Variants in ARHGAP21 observed in about 807,000 individuals in gnomAD.
ARHGAP21 encodes the protein rho GTPase-activating protein 21.
A neutral mutation model predicts 164.6 loss-of-function variants in ARHGAP21; 38 were observed. The ratio of observed to expected loss-of-function variants is 0.23; its 90% CI spans 0.18 to 0.30. The LOEUF is 0.30. ARHGAP21 is among the 10% of genes least tolerant of loss of function. The pLI is 1.00. For missense variants in ARHGAP21, 1,822 were observed against 2,370.7 expected (o/e 0.77, Z 4.81); for synonymous variants, 766 against 857.9 (o/e 0.89, Z 1.87).
At position 24,665,781 on chromosome 10, in the gene ARHGAP21, G is replaced by T. The variant is rs937306898; in HGVS notation, c.268+1204C>A. 3.3e-5 allele frequency among the ~76,000 whole-genome samples: 5 copies of T among 152,068 alleles called. No homozygotes were observed. The East Asian group carries it at 7.7e-4, about 23-fold the overall frequency. ...CTAAACACGTATGACCTTGAACTAG[G>T]GAGAAAACATCAGATAAACTGAAAA... is the stretch of plus-strand genomic sequence containing the variant. On this transcript the variant is annotated intron_variant, in intron 4 of 25. Transcript: ENST00000396432.
At chr10:24,689,865 T>C (rs1399533698) in intron 2 of ARHGAP21, among the ~76,000 whole-genome samples, 1 of 148,438 alleles carries the variant, frequency 6.7e-6, no homozygotes, top group Admixed American at 6.8e-5. Context: ...TATATGTATG[T>C]GTATATATAC....
intron 9 of ARHGAP21, 127 bp from the exon 10 acceptor site, chr10:24,608,030 T>A: frequency 1.3e-6 from 1 of 759,890 alleles, no homozygotes; most frequent in African/African-American, 1.8e-5. Context: ...AGCACATCAC[T>A]AAATGACCTA....
chr10:24,585,553 T>C lies in ARHGAP21; in HGVS notation c.4736A>G (p.Asn1579Ser), dbSNP rs192553340. Residue 1579 changes from asparagine (N) to serine (S), a missense_variant, in exon 26 of 26, where the codon AAC becomes AGC. Asn to Ser is a conservative substitution (Grantham distance 46). Around this residue, in one of 5 missense-constraint regions of ARHGAP21, gnomAD observed 333 missense variants for 383.9 expected, o/e 0.87. Coordinates refer to ENST00000396432, the MANE Select transcript of ARHGAP21 (RefSeq NM_020824.4). The part of the protein sequence containing the change: ...PETKHSEFLA[N>S]VSTITSDYST... ...ATAATCTGAGGTGATGGTGCTGACGTTGGCCAAAAACTCGCTATGTTTCGT... is the reference window on the plus strand; with the variant it reads ...ATAATCTGAGGTGATGGTGCTGACGCTGGCCAAAAACTCGCTATGTTTCGT... 24 of 1,614,184 alleles carry C rather than the reference T, an allele frequency of 1.5e-5. No homozygotes were observed. Among genetic ancestry groups the C allele is most frequent in the Middle Eastern group, 1.6e-4 (1 of 6,062 alleles).
intron 2 of ARHGAP21, among the ~76,000 whole-genome samples, chr10:24,677,432 A>G (rs949723806): frequency 1.3e-5 from 2 of 152,230 alleles, no homozygotes; most frequent in African/African-American, 4.8e-5. Context: ...AAATAAGAAA[A>G]TAAGAAACTG....
rs1346794473 is a variant in ARHGAP21 at position 24,640,833 on chromosome 10, G to A, written c.269-5730C>T. Among the ~76,000 whole-genome samples, 4 of 152,158 alleles carry A rather than the reference G, an allele frequency of 2.6e-5. No individual in the cohort carries two copies. The South Asian group carries it at 6.2e-4, about 24-fold the overall frequency. On this transcript the variant is annotated intron_variant, in intron 4 of 25. Transcript: ENST00000396432. ...GAATTTATTGAGCAATAGGAATGTG[G>A]ATCTATTAAGGAAAAAAACAAAAAT...
intron 12 of ARHGAP21, among the ~76,000 whole-genome samples, 187 bp downstream of exon 12, chr10:24,604,125 G>A (rs561828252): frequency 2.0e-5 from 3 of 152,112 alleles, no homozygotes; most frequent in African/African-American, 7.2e-5. Flanking sequence ...AAAAAGGGCT[G>A]CTGGGCAGTT....
At chr10:24,614,176 G>A (rs551552691) in intron 9 of ARHGAP21, among the ~76,000 whole-genome samples, 10 of 152,264 alleles carry the variant, frequency 6.6e-5, no homozygotes, top group Admixed American at 2.6e-4. Flanking sequence ...TGACTGAGTA[G>A]GGAGGTCAAG....
At chr10:24,627,797 TACTC>T (rs1835291617) in intron 7 of ARHGAP21, among the ~76,000 whole-genome samples, 1 of 152,212 alleles carries the variant, frequency 6.6e-6, no homozygotes, top group Non-Finnish European at 1.5e-5. Flanking sequence ...ATTACAAAAT[TACTC>T]CTTCCATTAC....
chr10:24,692,250 G>A (rs1018716735), intron 2 of ARHGAP21, among the ~76,000 whole-genome samples: 4 of 152,116 alleles, frequency 2.6e-5, no homozygotes, highest in Non-Finnish European at 4.4e-5. Context: ...TTAAACAAAC[G>A]AATCTAAGCT....
Position 24,607,737 on chromosome 10 carries a change from A to T in ARHGAP21, c.2581+8T>A. 6.2e-7 allele frequency: 1 copy of T among 1,613,554 alleles called. No individual in the cohort carries two copies. The highest frequency in any genetic ancestry group is 8.5e-7 in the Non-Finnish European group (1 of 1,179,754). On this transcript the variant is annotated splice_region_variant and intron_variant, in intron 10 of 25. Coordinates refer to ENST00000396432, the MANE Select transcript of ARHGAP21 (RefSeq NM_020824.4). ...GATACGGTTTACAAAACCACCCTTT[A>T]GACGTACCGTGGTCATGTGAGAGCT...
intron 2 of ARHGAP21, among the ~76,000 whole-genome samples, chr10:24,685,705 G>A (rs374706784): frequency 5.9e-5 from 9 of 152,068 alleles, no homozygotes; most frequent in South Asian, 2.1e-4. Context: ...GTAAAACCCC[G>A]TCTCTACTAG....
intron 19 of ARHGAP21, 74 bp from the exon 20 acceptor site, chr10:24,595,264 A>T: frequency 1.6e-6 from 2 of 1,267,444 alleles, no homozygotes; most frequent in Non-Finnish European, 2.2e-6. Flanking sequence ...CCCTTTAAGG[A>T]TCAATTTTAA....
At position 24,601,310 on chromosome 10, in the gene ARHGAP21, T is replaced by C. The variant is rs574090467; in HGVS notation, c.2848-380A>G. Among the ~76,000 whole-genome samples the C allele has an allele frequency of 5.3e-5, 8 of 152,352 alleles. No homozygotes were observed. The South Asian group carries it at 1.7e-3, about 32-fold the overall frequency. ...CGTCTTAGAGCACACAAATGACAGA[T>C]ACTGCAGGAGTTCTCCAACAATTGT... On this transcript the variant is annotated intron_variant, in intron 13 of 25. Coordinates refer to ENST00000396432, the MANE Select transcript of ARHGAP21 (RefSeq NM_020824.4).
intron 7 of ARHGAP21, among the ~76,000 whole-genome samples, chr10:24,628,753 A>G (rs1189016056): frequency 5.2e-5 from 7 of 134,832 alleles, no homozygotes; most frequent in South Asian, 2.4e-4. Flanking sequence ...TGAATGAAAT[A>G]TGTGTGTGTG....
At chr10:24,634,240 T>TA (rs940181586) in intron 5 of ARHGAP21, among the ~76,000 whole-genome samples, 12 of 151,938 alleles carry the variant, frequency 7.9e-5, no homozygotes, top group Admixed American at 1.3e-4. Flanking sequence ...TTAAGTATAA[T>TA]AAAAAAAACT....
intron 4 of ARHGAP21, chr10:24,640,211 CGGA>C (rs940055217): frequency 1.1e-4 from 16 of 151,574 alleles, no homozygotes; most frequent in African/African-American, 3.9e-4. Context: ...TGTCTGATGT[CGGA>C]AGTTTAGCAG....
chr10:24,661,920 T>G (rs928001247), intron 4 of ARHGAP21, among the ~76,000 whole-genome samples: 2 of 152,202 alleles, frequency 1.3e-5, no homozygotes, highest in African/African-American at 4.8e-5. Context: ...CTATCATACT[T>G]AGGGCTAAAC....
rs568543707 is a variant in ARHGAP21, at chr10:24,684,700, G to A, written c.64-14303C>T. ...CTCACCCAGGCTGGAATGCAGTGGC[G>A]TGATCACAGCTCACTGCAACCTCCA... On this transcript the variant is annotated intron_variant, in intron 2 of 25. Coordinates refer to ENST00000396432, the MANE Select transcript of ARHGAP21 (RefSeq NM_020824.4). Among the ~76,000 whole-genome samples the A allele has an allele frequency of 5.3e-5, 8 of 152,250 alleles. No individual in the cohort carries two copies. In the East Asian group the frequency reaches 9.6e-4, roughly 18 times the overall value.
At chr10:24,592,189 A>G (rs1390281726) in intron 21 of ARHGAP21, among the ~76,000 whole-genome samples, 177 bp from the exon 22 acceptor site, 1 of 117,986 alleles carries the variant, frequency 8.5e-6, no homozygotes, top group African/African-American at 3.3e-5. Context: ...TTTCTGAGAC[A>G]GGGTCTCACG....
Sources: allele counts gnomAD v4.1 joint callset (sites outside exome capture counted in the v4.1 genomes callset), GRCh38; gene constraint gnomAD v4.1.1; regional missense constraint gnomAD v4.1.1; transcripts MANE v1.5; gene names NCBI Gene and HGNC (gene_info 2026-07-23, HGNC 2026-07-21).